The following ULK4 variants were observed in gnomAD, a reference collection of about 807,000 sequenced individuals.
The protein encoded by ULK4 is inactive serine/threonine-protein kinase ULK4.
Under a neutral mutation model 160.6 loss-of-function variants are expected in ULK4, and 133 were observed. That is an observed-to-expected ratio of 0.83 (90% CI 0.72 to 0.96). ULK4 has a LOEUF of 0.96. Ranked by LOEUF, ULK4 falls within the 40% of genes least tolerant of loss-of-function variation. The pLI, the probability that ULK4 is intolerant of heterozygous loss-of-function variation, is 0.00. For missense variants in ULK4, 1,580 were observed against 1,499.5 expected, an observed-to-expected ratio of 1.05 and a Z score of -0.89; for synonymous variants, 534 against 539.8, an observed-to-expected ratio of 0.99 and a Z score of 0.15.
intron 17 of ULK4, among the ~76,000 whole-genome samples, chr3:41,846,579 CAG>C (rs1487277115): frequency 3.3e-5 from 5 of 152,018 alleles, no homozygotes; most frequent in Non-Finnish European, 5.9e-5. Flanking sequence ...CCGAGGCAGG[CAG>C]ACTGTCTGAG....
At chr3:41,936,596 G>C (rs1401788649) in intron 3 of ULK4, among the ~76,000 whole-genome samples, 1 of 152,184 alleles carries the variant, frequency 6.6e-6, no homozygotes, top group Non-Finnish European at 1.5e-5. Flanking sequence ...ATAAAAAAGA[G>C]ATTTTGTCAT....
intron 25 of ULK4, among the ~76,000 whole-genome samples, chr3:41,705,992 C>A (rs778530729): frequency 3.9e-5 from 6 of 152,262 alleles, no homozygotes; most frequent in African/African-American, 7.2e-5. Flanking sequence ...TGAGTACAAA[C>A]TGTGTCAAGA....
intron 22 of ULK4, among the ~76,000 whole-genome samples, chr3:41,745,594 T>A (rs2038393790): frequency 6.6e-6 from 1 of 151,716 alleles, no homozygotes; most frequent in Non-Finnish European, 1.5e-5. Context: ...ACACATTTCA[T>A]ACAGTCTCTT....
chr3:41,608,676 T>G (rs988751001), intron 31 of ULK4, among the ~76,000 whole-genome samples: 1 of 152,190 alleles, frequency 6.6e-6, no homozygotes, highest in Admixed American at 6.6e-5. Context: ...AACACAAGCC[T>G]GAAACCAAAG....
intron 30 of ULK4, among the ~76,000 whole-genome samples, chr3:41,624,269 G>A (rs1479714869): frequency 6.6e-6 from 1 of 152,032 alleles, no homozygotes; most frequent in East Asian, 1.9e-4. Context: ...ATTAGGCCTG[G>A]GCTAAAATAA....
intron 14 of ULK4, 29 bp from the exon 15 acceptor site, chr3:41,897,032 C>T: frequency 1.9e-6 from 3 of 1,559,954 alleles, no homozygotes; most frequent in Non-Finnish European, 2.6e-6. Context: ...AATAAAAGTA[C>T]ATATGATGAG....
At chr3:41,838,352 A>T (rs911129669) in intron 17 of ULK4, among the ~76,000 whole-genome samples, 1 of 152,198 alleles carries the variant, frequency 6.6e-6, no homozygotes, top group Non-Finnish European at 1.5e-5. Flanking sequence ...AGATAATTAT[A>T]TAAAAATGAG....
At chr3:41,884,820 T>C (rs754052775) in intron 16 of ULK4, among the ~76,000 whole-genome samples, 1 of 152,216 alleles carries the variant, frequency 6.6e-6, no homozygotes. Flanking sequence ...ACTTCTTAAA[T>C]TTCCCATTAA....
At chr3:41,691,512 G>A (rs1358390469) in intron 27 of ULK4, among the ~76,000 whole-genome samples, 2 of 151,820 alleles carry the variant, frequency 1.3e-5, no homozygotes, top group Non-Finnish European at 2.9e-5. Context: ...CTTCTGAGGA[G>A]GCAAGAACTG....
chr3:41,693,639 A>G (rs1299210943), intron 27 of ULK4, among the ~76,000 whole-genome samples: 1 of 152,224 alleles, frequency 6.6e-6, no homozygotes, highest in East Asian at 1.9e-4. Context: ...TATTAAAAGG[A>G]CAAACCAGAA....
At chr3:41,547,338 A>AAG (rs138692306) in intron 32 of ULK4, among the ~76,000 whole-genome samples, 1 of 152,154 alleles carries the variant, frequency 6.6e-6, no homozygotes, top group African/African-American at 2.4e-5. Flanking sequence ...TACAGCATCT[A>AAG]AGAGAGAGCA....
At chr3:41,469,624 A>AAAAAAAAAAAAAAAAAG (rs1559625839) in intron 32 of ULK4, among the ~76,000 whole-genome samples, 1 of 148,888 alleles carries the variant, frequency 6.7e-6, no homozygotes, top group Non-Finnish European at 1.5e-5. Context: ...AAAAAAAAAA[A>AAAAAAAAAAAAAAAAAG]AAACACCTTA....
chr3:41,620,770 A>G (rs534789649), intron 30 of ULK4, among the ~76,000 whole-genome samples: 8 of 152,340 alleles, frequency 5.3e-5, no homozygotes, highest in African/African-American at 1.4e-4. Flanking sequence ...GGCTGGGGCA[A>G]TCAGGCAAGA....
chr3:41,595,677 A>G (rs1463890794), intron 31 of ULK4, among the ~76,000 whole-genome samples: 1 of 152,184 alleles, frequency 6.6e-6, no homozygotes, highest in Non-Finnish European at 1.5e-5. Flanking sequence ...ATGTCTCAAC[A>G]AGTGAGGGTG....
chr3:41,460,044 C>T (rs546913445), intron 33 of ULK4, among the ~76,000 whole-genome samples: 1 of 152,184 alleles, frequency 6.6e-6, no homozygotes, highest in Non-Finnish European at 1.5e-5. Context: ...AGGGGAAGGC[C>T]GTGAAGGAAT....
chr3:41,399,503 A>G (rs1439467647), intron 34 of ULK4, among the ~76,000 whole-genome samples: 2 of 152,154 alleles, frequency 1.3e-5, no homozygotes, highest in Non-Finnish European at 2.9e-5. Flanking sequence ...TTAATTTTGA[A>G]AACTCTAACT....
chr3:41,692,285 C>T (rs1055301576), intron 27 of ULK4, among the ~76,000 whole-genome samples: 9 of 152,126 alleles, frequency 5.9e-5, no homozygotes, highest in Admixed American at 3.9e-4. Flanking sequence ...GAGAAAACCA[C>T]GACGACACAA....
At chr3:41,323,095 G>A (rs371086294) in intron 35 of ULK4, among the ~76,000 whole-genome samples, 1 of 152,012 alleles carries the variant, frequency 6.6e-6, no homozygotes, top group African/African-American at 2.4e-5. Flanking sequence ...GCACCACCAT[G>A]CCCGGCTAAT....
At chr3:41,728,826 GAT>G (rs34785089) in intron 22 of ULK4, among the ~76,000 whole-genome samples, 1 of 151,900 alleles carries the variant, frequency 6.6e-6, no homozygotes, top group South Asian at 2.1e-4. Context: ...AAAATGAAAA[GAT>G]ATATATATAT....
Sources: allele counts gnomAD v4.1 joint callset (sites outside exome capture counted in the v4.1 genomes callset), GRCh38; gene constraint gnomAD v4.1.1; transcripts MANE v1.5; gene names NCBI Gene and HGNC (gene_info 2026-07-23, HGNC 2026-07-21).